Variants in DSCAM observed in about 807,000 individuals in gnomAD.
DSCAM encodes the protein DS cell adhesion molecule, also known as cell adhesion molecule DSCAM.
Under a neutral mutation model 217.7 loss-of-function variants are expected in DSCAM, and 47 were observed. That is an observed-to-expected ratio of 0.22 (90% CI 0.17 to 0.28). The LOEUF (loss-of-function observed/expected upper bound fraction) is 0.28. Ranked by LOEUF, DSCAM falls within the 10% of genes least tolerant of loss-of-function variation. The pLI is 1.00. For synonymous variants in DSCAM, 1,056 were observed against 1,015.3 expected, an observed-to-expected ratio of 1.04 and a Z score of -0.76; for missense variants, 2,080 against 2,618.3, an observed-to-expected ratio of 0.79 and a Z score of 4.49.
At chr21:40,438,937 G>T (rs1356117243) in intron 3 of DSCAM, among the ~76,000 whole-genome samples, 1 of 152,068 alleles carries the variant, frequency 6.6e-6, no homozygotes, top group Non-Finnish European at 1.5e-5. Context: ...GGTAGCCATA[G>T]AGTGGCATGT....
At chr21:40,051,591 A>G (rs2088931950) in intron 30 of DSCAM, among the ~76,000 whole-genome samples, 1 of 152,216 alleles carries the variant, frequency 6.6e-6, no homozygotes, top group South Asian at 2.1e-4. Context: ...GGTATCTTAC[A>G]GGATTGTTGC....
intron 3 of DSCAM, among the ~76,000 whole-genome samples, chr21:40,669,947 T>TAAA (rs35330474): frequency 2.0e-5 from 3 of 149,204 alleles, no homozygotes; most frequent in African/African-American, 4.9e-5. Flanking sequence ...ATGGCTATAA[T>TAAA]AAAAAAAAAA....
intron 3 of DSCAM, among the ~76,000 whole-genome samples, chr21:40,376,669 A>ATCTATATATCTTATATAGATATC (rs2074965349): frequency 2.7e-4 from 29 of 108,008 alleles, no homozygotes; most frequent in African/African-American, 1.1e-3. Flanking sequence ...TATCTTATAT[A>ATCTATATATCTTATATAGATATC]GATATCTATA....
At chr21:40,386,954 A>G (rs1016119354) in intron 3 of DSCAM, among the ~76,000 whole-genome samples, 2 of 152,126 alleles carry the variant, frequency 1.3e-5, no homozygotes, top group African/African-American at 4.8e-5. Flanking sequence ...AGATTACATT[A>G]TTTGGAACCT....
intron 11 of DSCAM, among the ~76,000 whole-genome samples, chr21:40,242,752 C>T (rs752942456): frequency 1.3e-5 from 2 of 152,174 alleles, no homozygotes; most frequent in Non-Finnish European, 2.9e-5. Flanking sequence ...ATAAGCAGAT[C>T]CCCCTGCCCC....
intron 3 of DSCAM, among the ~76,000 whole-genome samples, chr21:40,686,220 C>CAT (rs2090474582): frequency 6.7e-6 from 1 of 149,744 alleles, no homozygotes; most frequent in Admixed American, 6.7e-5. Flanking sequence ...CACACACACA[C>CAT]ACACACACAG....
At chr21:40,596,709 A>C (rs1199640526) in intron 3 of DSCAM, among the ~76,000 whole-genome samples, 1 of 152,190 alleles carries the variant, frequency 6.6e-6, no homozygotes, top group Admixed American at 6.5e-5. Context: ...CGAAATGTGC[A>C]CATTAAGAAA....
intron 3 of DSCAM, among the ~76,000 whole-genome samples, chr21:40,483,844 A>G (rs1481721815): frequency 1.3e-5 from 2 of 152,196 alleles, no homozygotes; most frequent in Non-Finnish European, 2.9e-5. Flanking sequence ...TTTGCTGTGA[A>G]TGCTTTCTAT....
At chr21:40,633,979 T>C (rs1179601318) in intron 3 of DSCAM, among the ~76,000 whole-genome samples, 1 of 151,926 alleles carries the variant, frequency 6.6e-6, no homozygotes, top group Non-Finnish European at 1.5e-5. Context: ...ACACAAAGGG[T>C]TTACTATTTC....
chr21:40,775,845 G>A (rs1247802859), intron 1 of DSCAM, among the ~76,000 whole-genome samples: 1 of 152,140 alleles, frequency 6.6e-6, no homozygotes, highest in East Asian at 1.9e-4. Flanking sequence ...TGGTTCTTTG[G>A]GCGATTGCAA....
intron 3 of DSCAM, among the ~76,000 whole-genome samples, chr21:40,600,428 C>T (rs369187549): frequency 6.6e-5 from 10 of 152,186 alleles, no homozygotes; most frequent in East Asian, 3.9e-4. Context: ...ATCTCATTCA[C>T]GAGGGCAGAG....
At chr21:40,229,725 A>G (rs1255484806) in intron 11 of DSCAM, among the ~76,000 whole-genome samples, 1 of 152,224 alleles carries the variant, frequency 6.6e-6, no homozygotes, top group African/African-American at 2.4e-5. Flanking sequence ...GTACCAAACA[A>G]AAGTTTGTAT....
chr21:40,262,998 T>C (rs1035413396), intron 11 of DSCAM, among the ~76,000 whole-genome samples: 4 of 152,206 alleles, frequency 2.6e-5, no homozygotes, highest in Non-Finnish European at 4.4e-5. Context: ...TCCAATAGTA[T>C]TAAATTAATA....
At chr21:40,166,366 T>C (rs1389190761) in intron 16 of DSCAM, among the ~76,000 whole-genome samples, 3 of 152,196 alleles carry the variant, frequency 2.0e-5, no homozygotes, top group Admixed American at 2.0e-4. Flanking sequence ...TACAGAACTT[T>C]TGATTCGATA....
chr21:40,025,788 G>GTCTA (rs768733974), intron 32 of DSCAM, among the ~76,000 whole-genome samples: 3 of 150,712 alleles, frequency 2.0e-5, no homozygotes, highest in Non-Finnish European at 4.4e-5. Context: ...CTTGCTAGCA[G>GTCTA]TCTATCTATT....
At chr21:40,324,211 A>C (rs981050814) in intron 8 of DSCAM, among the ~76,000 whole-genome samples, 8 of 151,860 alleles carry the variant, frequency 5.3e-5, no homozygotes, top group Non-Finnish European at 4.4e-5. Flanking sequence ...TAAAATTATC[A>C]AGTAAGTCCA....
chr21:40,256,468 GAGAC>G (rs2073373766), intron 11 of DSCAM, among the ~76,000 whole-genome samples: 1 of 151,182 alleles, frequency 6.6e-6, no homozygotes, highest in South Asian at 2.1e-4. Context: ...CACACACAAA[GAGAC>G]AGAGAGATTT....
intron 1 of DSCAM, among the ~76,000 whole-genome samples, chr21:40,718,082 TA>T (rs1226596931): frequency 6.6e-6 from 1 of 151,560 alleles, no homozygotes; most frequent in South Asian, 2.1e-4. Flanking sequence ...GTGAAGAAAA[TA>T]AAAAAAGTCA....
At chr21:40,676,550 TTTTTG>T (rs1023112354) in intron 3 of DSCAM, among the ~76,000 whole-genome samples, 4 of 152,202 alleles carry the variant, frequency 2.6e-5, no homozygotes, top group Admixed American at 1.3e-4. Flanking sequence ...TTTGCTTGTT[TTTTTG>T]TTTTGTTTTG....
Sources: gnomAD v4.1 joint callset for allele counts (sites outside exome capture counted in the v4.1 genomes callset) on GRCh38, gnomAD v4.1.1 for gene constraint, MANE v1.5 for transcripts, NCBI Gene and HGNC (gene_info 2026-07-23, HGNC 2026-07-21) for gene names.